SNRK: variants seen among roughly 807,000 people sequenced by gnomAD.
SNRK encodes SNF-related serine/threonine-protein kinase.
SNRK carries 3 observed loss-of-function variants against 48.2 expected under a neutral mutation model. The observed-to-expected ratio is 0.06, with a 90% CI of 0.03 to 0.16. The LOEUF (loss-of-function observed/expected upper bound fraction) is 0.16. Among genes scored for constraint, SNRK ranks in the 10% least tolerant of loss-of-function variants. The pLI is 1.00. For missense variants in SNRK, 627 were observed against 976.0 expected, an observed-to-expected ratio of 0.64 and a Z score of 4.76; for synonymous variants, 376 against 366.1, an observed-to-expected ratio of 1.03 and a Z score of -0.31.
intron 4 of SNRK, among the ~76,000 whole-genome samples, chr3:43,336,319 C>G (rs73075063): frequency 1.4e-3 from 214 of 150,180 alleles, no homozygotes; most frequent in African/African-American, 3.6e-3. Context: ...TCCCTCTGTC[C>G]GCCTTCCCTC....
chr3:43,298,998 C>T (rs2125616968), intron 1 of SNRK, among the ~76,000 whole-genome samples: 1 of 152,204 alleles, frequency 6.6e-6, no homozygotes, highest in Middle Eastern at 3.4e-3. Context: ...TTTAGGGGCT[C>T]CTAGAGACTG....
intron 6 of SNRK, among the ~76,000 whole-genome samples, chr3:43,345,959 C>T (rs1210821773): frequency 6.6e-6 from 1 of 152,168 alleles, no homozygotes; most frequent in Non-Finnish European, 1.5e-5. Flanking sequence ...TAATTGAGAA[C>T]TCTTAGGACT....
chr3:43,306,869 T>G (rs2090941848), intron 3 of SNRK, among the ~76,000 whole-genome samples: 1 of 152,216 alleles, frequency 6.6e-6, no homozygotes, highest in Non-Finnish European at 1.5e-5. Flanking sequence ...AGTTGTCTGG[T>G]TTTTAACTTC....
At chr3:43,333,282 C>T (rs2091160978) in intron 4 of SNRK, 1 of 146,404 alleles carries the variant, frequency 6.8e-6, no homozygotes, top group Non-Finnish European at 1.5e-5. Context: ...TGGCGTGAAC[C>T]CTGGAGGTGG....
intron 1 of SNRK, among the ~76,000 whole-genome samples, chr3:43,297,509 A>G (rs542043756): frequency 3.3e-5 from 5 of 152,262 alleles, no homozygotes; most frequent in African/African-American, 1.2e-4. Flanking sequence ...TGAATAGAAA[A>G]TAATTTGAAA....
At chr3:43,309,095 T>A (rs1037350294) in intron 3 of SNRK, among the ~76,000 whole-genome samples, 2 of 152,206 alleles carry the variant, frequency 1.3e-5, no homozygotes, top group African/African-American at 4.8e-5. Flanking sequence ...TGCTGCAGTC[T>A]CTTGATAAAA....
chr3:43,334,790 T>G (rs116146121), intron 4 of SNRK, among the ~76,000 whole-genome samples: 4,350 of 152,148 alleles, frequency 0.029, 203 homozygotes, highest in African/African-American at 0.097. Flanking sequence ...GGCAAGGTTT[T>G]AACATGTTGG....
At chr3:43,298,535 C>G (rs929791607) in intron 1 of SNRK, among the ~76,000 whole-genome samples, 9 of 152,178 alleles carry the variant, frequency 5.9e-5, no homozygotes, top group Admixed American at 1.3e-4. Context: ...GCTTTCATAT[C>G]CAGAGGTCAA....
In SNRK at chr3:43,347,364, G is replaced by A; in HGVS notation, c.1105G>A (p.Val369Ile). 1 of 1,573,876 alleles carries A rather than the reference G, an allele frequency of 6.4e-7. No individual in the cohort carries two copies. The highest frequency in any genetic ancestry group is 8.6e-7 in the Non-Finnish European group (1 of 1,161,016). The change falls in exon 7 of 7, where the codon GTA becomes ATA. Residue 369 changes from valine (V) to isoleucine (I), a missense_variant. This residue lies in a region of SNRK where 175 missense variants were observed against 209.7 expected (regional missense o/e 0.83). Transcript: ENST00000296088. This position sits in a 1 kb window ranked among gnomAD's most constrained non-coding sequence, Gnocchi z 5.4. ...GCAGTCATGGCCAACCAAAATTGATGTACCCCAGGACCTTGAGGATGACCT... is the reference window on the plus strand; with the variant it reads ...GCAGTCATGGCCAACCAAAATTGATATACCCCAGGACCTTGAGGATGACCT... ...FRQSWPTKID[V>I]PQDLEDDLTA...
chr3:43,302,583 T>C (rs1427198417), intron 2 of SNRK, among the ~76,000 whole-genome samples: 1 of 151,752 alleles, frequency 6.6e-6, no homozygotes, highest in African/African-American at 2.4e-5. Flanking sequence ...TCTGGGGATA[T>C]TGAGGAGAGA....
rs1029485517 is a variant in SNRK, at chr3:43,348,059, GA to G, written c.1802del (p.Asn601ThrfsTer50). On this transcript the variant is annotated frameshift_variant, in exon 7 of 7. Transcript: ENST00000296088. LOFTEE classifies it high-confidence loss of function. ...GGGTGGACAAGGCCAGCCCCAGTGA[GA>G]ACAATGCTGGTGGGGGCAGTCCCTC... ...GGVDKASPSENNAGGGSPSSG... is the reference protein window; with the variant it reads ...GGVDKASPSEXNAGGGSPSSG... The G allele has an allele frequency of 6.2e-7, 1 of 1,603,740 alleles. No individual in the cohort carries two copies. Among genetic ancestry groups the G allele is most frequent in the African/African-American group, 1.3e-5 (1 of 74,818 alleles).
At position 43,347,939 on chromosome 3, in the gene SNRK, C is replaced by T. The variant is rs1396372577; in HGVS notation, c.1680C>T (p.Phe560=). The T allele has an allele frequency of 5.6e-6, 9 of 1,613,992 alleles. No individual in the cohort carries two copies. The highest frequency in any genetic ancestry group is 7.6e-6 in the Non-Finnish European group (9 of 1,180,046). Residue 560 remains phenylalanine, a synonymous_variant, in exon 7 of 7, where the codon TTC becomes TTT. Transcript: ENST00000296088. This position sits in a 1 kb window ranked among gnomAD's most constrained non-coding sequence, Gnocchi z 5.4. ...GGCGGCTCGATAAAGATAGCGGGTT[C>T]ACCTACTCCTGGCACCGACGGGATA... ...SRRRLDKDSG[F]TYSWHRRDSS...
chr3:43,298,560 C>G (rs2090874589), intron 1 of SNRK, among the ~76,000 whole-genome samples: 1 of 152,204 alleles, frequency 6.6e-6, no homozygotes, highest in Admixed American at 6.5e-5. Flanking sequence ...CTTTCCTCGT[C>G]CTTTCACCTG....
At chr3:43,312,111 AC>A (rs2090982915) in intron 3 of SNRK, among the ~76,000 whole-genome samples, 1 of 151,882 alleles carries the variant, frequency 6.6e-6, no homozygotes, top group Admixed American at 6.6e-5. Context: ...GGATTTAAAA[AC>A]CCTTATTTTA....
intron 3 of SNRK, among the ~76,000 whole-genome samples, chr3:43,326,278 A>ATGTG (rs373729076): frequency 2.0e-5 from 3 of 151,168 alleles, no homozygotes; most frequent in African/African-American, 4.8e-5. Flanking sequence ...AGCTTTGTGT[A>ATGTG]TGTGTGTGTG....
intron 3 of SNRK, among the ~76,000 whole-genome samples, chr3:43,330,938 C>G (rs1043047595): frequency 1.3e-5 from 2 of 152,168 alleles, no homozygotes; most frequent in African/African-American, 4.8e-5. Flanking sequence ...TAAAAAATCA[C>G]ATTGTATGTA....
At chr3:43,330,654 T>A (rs2091139072) in intron 3 of SNRK, among the ~76,000 whole-genome samples, 2 of 152,186 alleles carry the variant, frequency 1.3e-5, no homozygotes. Context: ...GATTTTTGAA[T>A]GGGGATGGCT....
At chr3:43,304,473 C>T (rs2090922056) in intron 3 of SNRK, among the ~76,000 whole-genome samples, 1 of 152,156 alleles carries the variant, frequency 6.6e-6, no homozygotes, top group South Asian at 2.1e-4. Context: ...CCTCTCCACA[C>T]ACTTTGTGCT....
intron 3 of SNRK, among the ~76,000 whole-genome samples, chr3:43,327,957 G>GTTT (rs5848658): frequency 1.1e-4 from 16 of 147,092 alleles, no homozygotes; most frequent in African/African-American, 3.5e-4. Flanking sequence ...CATGAGTTGG[G>GTTT]TTTTTTTTTT....
Sources: allele counts gnomAD v4.1 joint callset (sites outside exome capture counted in the v4.1 genomes callset), GRCh38; gene constraint gnomAD v4.1.1; regional missense constraint gnomAD v4.1.1; non-coding constraint Gnocchi (gnomAD v3.1); transcripts MANE v1.5; gene names NCBI Gene and HGNC (gene_info 2026-07-23, HGNC 2026-07-21).